The following ATXN7 variants were observed in gnomAD, a reference collection of about 807,000 sequenced individuals.
ATXN7 encodes the protein ataxin 7.
Under a neutral mutation model 70.5 loss-of-function variants are expected in ATXN7, and 12 were observed. The ratio of observed to expected loss-of-function variants is 0.17; its 90% CI spans 0.11 to 0.28. ATXN7 has a LOEUF of 0.28. Among genes scored for constraint, ATXN7 ranks in the 10% least tolerant of loss-of-function variants. The probability of loss-of-function intolerance (pLI) is 1.00; values close to 1 mark genes in which losing one functional copy is unlikely to be tolerated. For missense variants in ATXN7, 1,256 were observed against 1,131.7 expected, an observed-to-expected ratio of 1.11 and a Z score of -1.58; for synonymous variants, 498 against 448.7, an observed-to-expected ratio of 1.11 and a Z score of -1.39.
intron 4 of ATXN7, among the ~76,000 whole-genome samples, chr3:63,950,084 A>G (rs1477134951): frequency 1.3e-5 from 2 of 152,206 alleles, no homozygotes; most frequent in African/African-American, 2.4e-5. Context: ...AAATTTTTAC[A>G]GAAGTATAGA....
intron 8 of ATXN7, among the ~76,000 whole-genome samples, chr3:63,985,097 G>A (rs187660960): frequency 2.2e-4 from 34 of 152,250 alleles, no homozygotes; most frequent in Non-Finnish European, 2.6e-4. Flanking sequence ...GAACATAGGA[G>A]TTCTAATAGC....
chr3:63,913,509 C>G (rs939137100), intron 4 of ATXN7, among the ~76,000 whole-genome samples: 15 of 152,226 alleles, frequency 9.9e-5, no homozygotes, highest in African/African-American at 3.1e-4. Flanking sequence ...CTCTGCATTT[C>G]TGACCTCCTT....
intron 8 of ATXN7, among the ~76,000 whole-genome samples, chr3:63,987,679 A>G (rs989221145): frequency 2.6e-5 from 4 of 152,186 alleles, no homozygotes; most frequent in African/African-American, 7.2e-5. Context: ...TAAATGGTCC[A>G]AAGAGGGTTT....
At chr3:63,896,144 A>G (rs1176488531) in intron 1 of ATXN7, among the ~76,000 whole-genome samples, 1 of 152,086 alleles carries the variant, frequency 6.6e-6, no homozygotes, top group East Asian at 1.9e-4. Flanking sequence ...AAAAGGGTCA[A>G]CATAGGCTAG....
At chr3:63,962,512 C>G (rs923913390) in intron 5 of ATXN7, among the ~76,000 whole-genome samples, 2 of 152,048 alleles carry the variant, frequency 1.3e-5, no homozygotes, top group Admixed American at 1.3e-4. Flanking sequence ...TCAAGTGATT[C>G]TCGTGCCTCA....
chr3:63,882,763 A>G (rs552703434), intron 1 of ATXN7, among the ~76,000 whole-genome samples: 8 of 152,270 alleles, frequency 5.3e-5, no homozygotes, highest in African/African-American at 1.9e-4. Context: ...ATTTTTAAAG[A>G]TCATGATTTT....
At chr3:63,889,931 G>A (rs1703206009) in intron 1 of ATXN7, among the ~76,000 whole-genome samples, 2 of 152,208 alleles carry the variant, frequency 1.3e-5, no homozygotes, top group African/African-American at 4.8e-5. Context: ...CTACTTACCA[G>A]CTTAACATTT....
intron 4 of ATXN7, among the ~76,000 whole-genome samples, chr3:63,922,974 A>G (rs1704564501): frequency 6.6e-6 from 1 of 152,194 alleles, no homozygotes; most frequent in Non-Finnish European, 1.5e-5. Flanking sequence ...ACACTCGATC[A>G]AGGACACCTA....
rs531661652 is a variant in ATXN7 at position 63,875,851 on chromosome 3, T to C, written c.-111+11693T>C. On this transcript the variant is annotated intron_variant, in intron 1 of 12. Transcript: ENST00000674280. ...TTAGGCTCTTTCCCCCCATTACTTT[T>C]AAAGTTTCATTGTAGTCTGGATCAT... 3.3e-5 allele frequency among the ~76,000 whole-genome samples: 5 copies of C among 152,342 alleles called. No individual in the cohort carries two copies. In the East Asian group the frequency reaches 9.6e-4, roughly 29 times the overall value.
intron 6 of ATXN7, 142 bp downstream of exon 6, chr3:63,980,309 G>A: frequency 8.4e-7 from 1 of 1,193,068 alleles, no homozygotes; most frequent in Non-Finnish European, 1.2e-6. Context: ...ATTGTTTCTT[G>A]ATGTTTCCCT....
At chr3:63,863,683 T>G, upstream of ATXN7, 10 of 1,229,674 alleles carry the variant, frequency 8.1e-6, no homozygotes, top group African/African-American at 1.6e-5. Context: ...GGCCGAGGGG[T>G]TCCCGGAAGC....
At chr3:63,922,579 T>G (rs1704552732) in intron 4 of ATXN7, among the ~76,000 whole-genome samples, 1 of 152,100 alleles carries the variant, frequency 6.6e-6, no homozygotes, top group Admixed American at 6.5e-5. Context: ...AAAAGGTAAA[T>G]TATAGGCAAT....
intron 4 of ATXN7, among the ~76,000 whole-genome samples, chr3:63,944,505 A>G (rs527263996): frequency 6.6e-6 from 1 of 152,270 alleles, no homozygotes; most frequent in South Asian, 2.1e-4. Flanking sequence ...GGGATGATAC[A>G]TGTCCTGGGC....
At chr3:63,986,503 G>C (rs1158040333) in intron 8 of ATXN7, among the ~76,000 whole-genome samples, 3 of 152,120 alleles carry the variant, frequency 2.0e-5, no homozygotes, top group Non-Finnish European at 4.4e-5. Context: ...CAGGCAGGTG[G>C]ACCAGTAATA....
At position 63,909,295 on chromosome 3, in the gene ATXN7, G is replaced by T. The variant is rs144978378; in HGVS notation, c.-11-3293G>T. Among the ~76,000 whole-genome samples, 1,377 of 152,252 alleles carry T rather than the reference G, an allele frequency of 9.0e-3. 19 individuals carry two copies. Among genetic ancestry groups the T allele is most frequent in the African/African-American group, 0.03 (1,236 of 41,528 alleles). ...ATGTAAATTGTATTGGCCTGGTGTG[G>T]TGGCTCATGCCTATAATCCCAACAC... On this transcript the variant is annotated intron_variant, in intron 2 of 12. Transcript: ENST00000674280.
intron 4 of ATXN7, among the ~76,000 whole-genome samples, chr3:63,942,749 A>G (rs1311544545): frequency 6.6e-6 from 1 of 152,230 alleles, no homozygotes. Context: ...TATTACATAC[A>G]TAGCACATGC....
At chr3:63,968,340 T>C (rs1028019117) in intron 5 of ATXN7, 4 of 207,948 alleles carry the variant, frequency 1.9e-5, no homozygotes, top group African/African-American at 9.1e-5. Flanking sequence ...TCCAACAAAA[T>C]GCTGAGGTTT....
chr3:63,931,895 C>T (rs1049232801), intron 4 of ATXN7, among the ~76,000 whole-genome samples: 77 of 152,112 alleles, frequency 5.1e-4, no homozygotes, highest in Non-Finnish European at 1.2e-4. Context: ...ACAGGAAGGA[C>T]GAGGGTGTGG....
chr3:63,980,327 C>A, intron 6 of ATXN7, 160 bp downstream of exon 6: 2 of 1,018,364 alleles, frequency 2.0e-6, no homozygotes, highest in Non-Finnish European at 2.8e-6. Flanking sequence ...CCTGTCATGT[C>A]ATAGGAAACT....
Sources: allele counts gnomAD v4.1 joint callset (sites outside exome capture counted in the v4.1 genomes callset), GRCh38; gene constraint gnomAD v4.1.1; transcripts MANE v1.5; gene names NCBI Gene and HGNC (gene_info 2026-07-23, HGNC 2026-07-21).